The following CNTN1 variants were observed in gnomAD, a reference collection of about 807,000 sequenced individuals.
CNTN1 encodes the protein contactin-1.
A neutral mutation model predicts 126.4 loss-of-function variants in CNTN1; 38 were observed. The ratio of observed to expected loss-of-function variants is 0.30; its 90% CI spans 0.23 to 0.39. The LOEUF is 0.39. Ranked by LOEUF, CNTN1 falls within the 10% of genes least tolerant of loss-of-function variation. CNTN1 has a pLI of 1.00. For synonymous variants in CNTN1, 413 were observed against 422.6 expected (o/e 0.98, Z 0.28); for missense variants, 1,009 against 1,248.4 (o/e 0.81, Z 2.89).
At position 40,706,891 on chromosome 12, in the gene CNTN1, G is replaced by A. The variant is rs147854626; in HGVS notation, c.-77+14299G>A. 2.0e-3 allele frequency among the ~76,000 whole-genome samples: 303 copies of A among 152,340 alleles called. 1 individual carries two copies. The highest frequency in any genetic ancestry group is 7.1e-3 in the African/African-American group (294 of 41,594). On this transcript the variant is annotated intron_variant, in intron 1 of 23. Transcript: ENST00000551295. ...CATCCCTACAGACTCCGGCTTAGTA[G>A]ATCTGATATGGGACCCAGGAATCTG...
intron 1 of CNTN1, among the ~76,000 whole-genome samples, chr12:40,862,451 GACAAAAATAAAATGTT>G (rs1345333454): frequency 6.6e-6 from 1 of 152,094 alleles, no homozygotes; most frequent in Non-Finnish European, 1.5e-5. Flanking sequence ...CCTGTAGTCT[GACAAAAATAAAATGTT>G]ACATGTGTTT....
chr12:40,962,051 C>G (rs1228092923), intron 15 of CNTN1, among the ~76,000 whole-genome samples: 1 of 152,054 alleles, frequency 6.6e-6, no homozygotes, highest in Non-Finnish European at 1.5e-5. Context: ...GAGGGGAAAG[C>G]AATTTCATCT....
chr12:40,852,861 T>G (rs1216994078), intron 1 of CNTN1, among the ~76,000 whole-genome samples: 1 of 151,294 alleles, frequency 6.6e-6, no homozygotes, highest in East Asian at 1.9e-4. Flanking sequence ...GTCACTCAGT[T>G]TTTTCAAGAA....
intron 1 of CNTN1, among the ~76,000 whole-genome samples, chr12:40,773,216 A>G (rs767028913): frequency 3.9e-5 from 6 of 151,912 alleles, no homozygotes; most frequent in Non-Finnish European, 5.9e-5. Flanking sequence ...ACTGAATTCC[A>G]TATTTGTTTT....
intron 22 of CNTN1, among the ~76,000 whole-genome samples, chr12:41,028,655 C>G (rs1949083313): frequency 6.6e-6 from 1 of 152,118 alleles, no homozygotes; most frequent in Non-Finnish European, 1.5e-5. Context: ...ATATCACACA[C>G]TATCACATTT....
chr12:40,766,732 A>C (rs190797950), intron 1 of CNTN1, among the ~76,000 whole-genome samples: 15 of 152,340 alleles, frequency 9.8e-5, no homozygotes, highest in African/African-American at 3.6e-4. Flanking sequence ...CAGTAGAGAG[A>C]TGCAATGATA....
At chr12:40,779,817 T>C (rs1217264560) in intron 1 of CNTN1, among the ~76,000 whole-genome samples, 6 of 152,074 alleles carry the variant, frequency 3.9e-5, no homozygotes, top group East Asian at 1.9e-4. Flanking sequence ...GGTATAATCA[T>C]AGTTCAGCAG....
chr12:41,058,205 T>C (rs1336136235), intron 23 of CNTN1, among the ~76,000 whole-genome samples: 2 of 152,098 alleles, frequency 1.3e-5, no homozygotes, highest in African/African-American at 4.8e-5. Context: ...TCTTTTTAGG[T>C]TTCCTAACAT....
At chr12:40,985,426 C>A in intron 16 of CNTN1, among the ~76,000 whole-genome samples, 1 of 152,014 alleles carries the variant, frequency 6.6e-6, no homozygotes, top group East Asian at 1.9e-4. Flanking sequence ...AAGGTTTTTA[C>A]ATTTTTTCTA....
chr12:40,902,090 G>A, intron 1 of CNTN1, among the ~76,000 whole-genome samples: 1 of 152,138 alleles, frequency 6.6e-6, no homozygotes, highest in Middle Eastern at 3.2e-3. Flanking sequence ...TTTTAAAGGG[G>A]TAGCAATTTT....
At chr12:40,835,986 ATG>A (rs752905803) in intron 1 of CNTN1, among the ~76,000 whole-genome samples, 2,912 of 51,346 alleles carry the variant, frequency 0.057, 199 homozygotes, top group Admixed American at 0.34. Flanking sequence ...AGGTATATAT[ATG>A]TGTGTGTGTG....
At chr12:40,898,436 TA>T (rs1199725291) in intron 1 of CNTN1, among the ~76,000 whole-genome samples, 6 of 152,182 alleles carry the variant, frequency 3.9e-5, no homozygotes, top group Non-Finnish European at 8.8e-5. Flanking sequence ...GGGTTTTGAA[TA>T]AAAACAGATG....
chr12:40,772,280 A>G (rs1939368094), intron 1 of CNTN1, among the ~76,000 whole-genome samples: 1 of 152,038 alleles, frequency 6.6e-6, no homozygotes, highest in South Asian at 2.1e-4. Context: ...GTAAAAAGCA[A>G]AAAGAACATG....
At chr12:41,054,174 C>A (rs1370134102) in intron 23 of CNTN1, among the ~76,000 whole-genome samples, 1 of 151,632 alleles carries the variant, frequency 6.6e-6, no homozygotes, top group Non-Finnish European at 1.5e-5. Context: ...ACTATCCTTT[C>A]TGGTATAAGA....
rs149414893 is a variant in CNTN1 at position 40,969,817 on chromosome 12, A to G, written c.1804+10583A>G. Among the ~76,000 whole-genome samples the G allele has an allele frequency of 5.1e-3, 776 of 152,272 alleles. 7 individuals carry two copies. The highest frequency in any genetic ancestry group is 7.8e-3 in the Non-Finnish European group (532 of 68,016). On this transcript the variant is annotated intron_variant, in intron 15 of 23. Coordinates refer to ENST00000551295, the MANE Select transcript of CNTN1 (RefSeq NM_001843.4). ...ATGCTACCAGGATAACTTTGAATCC[A>G]CTTTATCCTTTGGGAAAAAAATGCA...
At chr12:40,711,239 C>T (rs1176554593) in intron 1 of CNTN1, among the ~76,000 whole-genome samples, 1 of 152,142 alleles carries the variant, frequency 6.6e-6, no homozygotes, top group Non-Finnish European at 1.5e-5. Flanking sequence ...CTAGAATTCT[C>T]CTGCCTTCAA....
At chr12:40,962,395 G>T (rs1234267474) in intron 15 of CNTN1, among the ~76,000 whole-genome samples, 5 of 152,020 alleles carry the variant, frequency 3.3e-5, no homozygotes, top group Non-Finnish European at 7.4e-5. Flanking sequence ...TGTATATTGA[G>T]CTTAGAATGT....
At chr12:40,885,296 A>C (rs1490448345) in intron 1 of CNTN1, among the ~76,000 whole-genome samples, 1 of 151,960 alleles carries the variant, frequency 6.6e-6, no homozygotes, top group Non-Finnish European at 1.5e-5. Flanking sequence ...AATACATGTA[A>C]GGTGTCTGGC....
chr12:40,954,501 A>G (rs1198007885), intron 14 of CNTN1, among the ~76,000 whole-genome samples: 1 of 152,096 alleles, frequency 6.6e-6, no homozygotes, highest in Non-Finnish European at 1.5e-5. Context: ...ATTTTAATAT[A>G]AGTAATAAAA....
Sources: gnomAD v4.1 joint callset for allele counts (sites outside exome capture counted in the v4.1 genomes callset) on GRCh38, gnomAD v4.1.1 for gene constraint, MANE v1.5 for transcripts, NCBI Gene and HGNC (gene_info 2026-07-23, HGNC 2026-07-21) for gene names.